Variants in NTRK2 observed in about 807,000 individuals in gnomAD.
NTRK2 encodes BDNF/NT-3 growth factors receptor.
In NTRK2, 13 loss-of-function variants were observed where a neutral mutation model predicts 94.5. The observed-to-expected ratio is 0.14, with a 90% CI of 0.09 to 0.22. The LOEUF (loss-of-function observed/expected upper bound fraction) is 0.22. Among genes scored for constraint, NTRK2 ranks in the 10% least tolerant of loss-of-function variants. The pLI is 1.00. For synonymous variants in NTRK2, 372 were observed against 407.4 expected (o/e 0.91, Z 1.05); for missense variants, 639 against 1,071.2 (o/e 0.60, Z 5.63).
chr9:84,818,352 T>C (rs969520661), intron 12 of NTRK2, among the ~76,000 whole-genome samples: 1 of 152,188 alleles, frequency 6.6e-6, no homozygotes, highest in African/African-American at 2.4e-5. Context: ...CTTAGGTTCA[T>C]GCAAGTGCCC....
intron 17 of NTRK2, among the ~76,000 whole-genome samples, chr9:85,006,619 C>G (rs552415038): frequency 6.7e-6 from 1 of 149,898 alleles, no homozygotes; most frequent in Admixed American, 6.6e-5. Flanking sequence ...CCCCTGGGGA[C>G]AGGGCACCCA....
At chr9:84,955,014 G>A (rs1041004123) in intron 16 of NTRK2, among the ~76,000 whole-genome samples, 3 of 152,226 alleles carry the variant, frequency 2.0e-5, no homozygotes, top group Non-Finnish European at 2.9e-5. Context: ...TACACTGGAG[G>A]GAAGGGGGAC....
chr9:84,738,042 T>G (rs1300686394), intron 9 of NTRK2, among the ~76,000 whole-genome samples: 4 of 151,374 alleles, frequency 2.6e-5, no homozygotes, highest in Admixed American at 6.6e-5. Context: ...CCCAGTGAGC[T>G]GTGGGGATCA....
chr9:84,916,768 G>A (rs1314693889), intron 14 of NTRK2, among the ~76,000 whole-genome samples: 2 of 152,272 alleles, frequency 1.3e-5, no homozygotes, highest in Middle Eastern at 3.4e-3. Flanking sequence ...ATCTTTCTTT[G>A]CATATTAAGA....
At chr9:84,789,547 G>T (rs2068507443) in intron 12 of NTRK2, among the ~76,000 whole-genome samples, 1 of 152,162 alleles carries the variant, frequency 6.6e-6, no homozygotes, top group South Asian at 2.1e-4. Context: ...GGAGTCCAAG[G>T]CTGCCTAGGA....
At chr9:84,750,469 T>A (rs2064490140) in intron 11 of NTRK2, among the ~76,000 whole-genome samples, 1 of 152,212 alleles carries the variant, frequency 6.6e-6, no homozygotes, top group Non-Finnish European at 1.5e-5. Context: ...ATAGGGATAA[T>A]AATATCCATC....
At chr9:84,735,155 C>A (rs139011056) in intron 9 of NTRK2, among the ~76,000 whole-genome samples, 6 of 151,928 alleles carry the variant, frequency 3.9e-5, no homozygotes, top group African/African-American at 1.5e-4. Flanking sequence ...GAGTTCCAGG[C>A]CAGTCTGGTC....
At chr9:84,987,160 T>C (rs1453138542) in intron 17 of NTRK2, among the ~76,000 whole-genome samples, 1 of 152,234 alleles carries the variant, frequency 6.6e-6, no homozygotes, top group African/African-American at 2.4e-5. Context: ...AGTTCAGCCC[T>C]GTAGCCTAAT....
At chr9:84,925,458 T>G (rs184399143) in intron 14 of NTRK2, among the ~76,000 whole-genome samples, 6 of 152,274 alleles carry the variant, frequency 3.9e-5, no homozygotes, top group African/African-American at 1.4e-4. Flanking sequence ...TTCTATTGTC[T>G]TCGTGATCAT....
chr9:84,803,776 G>A (rs2070775367), intron 12 of NTRK2, among the ~76,000 whole-genome samples: 1 of 152,200 alleles, frequency 6.6e-6, no homozygotes, highest in Non-Finnish European at 1.5e-5. Context: ...AGTTCATGGG[G>A]ATTATTAGCC....
intron 5 of NTRK2, among the ~76,000 whole-genome samples, chr9:84,709,280 C>T (rs1033347033): frequency 1.3e-5 from 2 of 152,174 alleles, no homozygotes; most frequent in Admixed American, 1.3e-4. Flanking sequence ...ATGAACATTG[C>T]TGTATTCATA....
chr9:84,724,448 T>G, intron 8 of NTRK2, 92 bp downstream of exon 8: 2 of 1,497,428 alleles, frequency 1.3e-6, no homozygotes, highest in Non-Finnish European at 1.9e-6. Context: ...CTGCTTAAAT[T>G]TGTTAAAAAA....
chr9:84,951,045 C>T (rs1020345967), intron 16 of NTRK2, among the ~76,000 whole-genome samples: 3 of 152,140 alleles, frequency 2.0e-5, no homozygotes, highest in South Asian at 2.1e-4. Flanking sequence ...TCAATCACTG[C>T]GAGAACATAC....
intron 6 of NTRK2, among the ~76,000 whole-genome samples, chr9:84,722,098 A>G (rs997132925): frequency 1.4e-5 from 2 of 144,508 alleles, no homozygotes; most frequent in African/African-American, 5.2e-5. Context: ...TGGGGCTTGT[A>G]TTACACTCTG....
intron 17 of NTRK2, among the ~76,000 whole-genome samples, chr9:84,971,372 A>G (rs1826165726): frequency 6.6e-6 from 1 of 152,184 alleles, no homozygotes; most frequent in Non-Finnish European, 1.5e-5. Flanking sequence ...AAGACCTGTG[A>G]TAAATGGCAT....
chr9:84,826,856 A>T lies in NTRK2; in HGVS notation c.1397-34184A>T, dbSNP rs560695028. Among the ~76,000 whole-genome samples the T allele has an allele frequency of 2.6e-5, 4 of 152,348 alleles. No homozygotes were observed. The South Asian group carries it at 8.3e-4, about 32-fold the overall frequency. ...GACATCAAGGTGAAAGAGACATATC[A>T]TATGGCTTTTAGTCATAAAAACACT... On this transcript the variant is annotated intron_variant, in intron 12 of 18. Coordinates refer to ENST00000277120, the MANE Select transcript of NTRK2 (RefSeq NM_006180.6).
chr9:85,001,346 A>G (rs1830322639), intron 17 of NTRK2, among the ~76,000 whole-genome samples: 1 of 152,180 alleles, frequency 6.6e-6, no homozygotes, highest in Admixed American at 6.5e-5. Context: ...CACAGTGCCC[A>G]CTTATTCTTG....
chr9:84,790,055 A>G (rs2068566821), intron 12 of NTRK2, among the ~76,000 whole-genome samples: 1 of 152,180 alleles, frequency 6.6e-6, no homozygotes, highest in African/African-American at 2.4e-5. Context: ...AGGTGATTTG[A>G]GAAGGGACAT....
intron 12 of NTRK2, among the ~76,000 whole-genome samples, chr9:84,808,125 C>T (rs970340237): frequency 6.6e-6 from 1 of 152,124 alleles, no homozygotes; most frequent in Non-Finnish European, 1.5e-5. Flanking sequence ...TGCAGAGGGA[C>T]ACTTGACATC....
Sources: gnomAD v4.1 joint callset for allele counts (sites outside exome capture counted in the v4.1 genomes callset) on GRCh38, gnomAD v4.1.1 for gene constraint, MANE v1.5 for transcripts, NCBI Gene and HGNC (gene_info 2026-07-23, HGNC 2026-07-21) for gene names.